The following KIF7 variants were observed in gnomAD, a reference collection of about 807,000 sequenced individuals.
KIF7 encodes the protein kinesin family member 7.
KIF7 carries 104 observed loss-of-function variants against 135.7 expected under a neutral mutation model. The observed-to-expected ratio is 0.77, with a 90% CI of 0.65 to 0.90. The LOEUF (loss-of-function observed/expected upper bound fraction) is 0.90, where lower values mean the gene tolerates loss of function less well. KIF7 is among the 40% of genes least tolerant of loss of function. The pLI is 0.00. For synonymous variants in KIF7, 883 were observed against 809.4 expected (o/e 1.09, Z -1.54); for missense variants, 2,005 against 1,839.1 (o/e 1.09, Z -1.65).
intron 1 of KIF7, among the ~76,000 whole-genome samples, chr15:89,654,735 C>A (rs1396564352): frequency 6.6e-6 from 1 of 152,234 alleles, no homozygotes; most frequent in East Asian, 1.9e-4. Context: ...ATCCAGGGAA[C>A]TTTCCCTGCC....
At chr15:89,641,932 G>C (rs1020781892) in intron 11 of KIF7, among the ~76,000 whole-genome samples, 11 of 152,138 alleles carry the variant, frequency 7.2e-5, no homozygotes, top group African/African-American at 1.7e-4. Flanking sequence ...AGGACTGCAC[G>C]CTGCAGGGTA....
chr15:89,648,525 G>A lies in KIF7; in HGVS notation c.1173C>T (p.Ala391=). ...CCGCGGAGGCGGTGGCTGGGCCTGGGGCGCGCCGGCCGCGGTGGATGATGC... is the reference window on the plus strand; with the variant it reads ...CCGCGGAGGCGGTGGCTGGGCCTGGAGCGCGCCGGCCGCGGTGGATGATGC... The part of the protein sequence containing the change: ...ETRIIHRGRR[A]PGPATASAAA... Residue 391 remains alanine (A), a synonymous_variant, in exon 5 of 19, where the codon GCC becomes GCT. Transcript: ENST00000394412. The A allele has an allele frequency of 5.2e-6, 6 of 1,152,070 alleles. No homozygotes were observed. Among genetic ancestry groups the A allele is most frequent in the Non-Finnish European group, 1.1e-6 (1 of 933,402 alleles). The allele number at this position is 1,152,070 out of a possible 1,614,324, so 71.4% of individuals were successfully genotyped here.
Position 89,648,781 on chromosome 15 carries a change from G to A in KIF7, c.924-7C>T, listed in dbSNP as rs1028237879. ...CAGCGAGTCTTTGAGGATCCTGAGGGCGCGAGGGGGAGGCTCTCAGGGGCC... is the reference window on the plus strand; with the variant it reads ...CAGCGAGTCTTTGAGGATCCTGAGGACGCGAGGGGGAGGCTCTCAGGGGCC... On this transcript the variant is annotated splice_region_variant and splice_polypyrimidine_tract_variant and intron_variant, in intron 4 of 18. Coordinates refer to ENST00000394412, the MANE Select transcript of KIF7 (RefSeq NM_198525.3). 1.3e-6 allele frequency: 2 copies of A among 1,530,008 alleles called. No homozygotes were observed. Among genetic ancestry groups the A allele is most frequent in the Non-Finnish European group, 1.8e-6 (2 of 1,141,650 alleles). The allele number at this position is 1,530,008 out of a possible 1,614,324, so 94.8% of individuals were successfully genotyped here. A position where few individuals can be genotyped will look rare whatever the true frequency, so the allele number is the denominator to read the frequency against.
intron 5 of KIF7, 52 bp from the exon 6 acceptor site, chr15:89,647,764 G>C (rs1964041984): frequency 7.5e-7 from 1 of 1,329,614 alleles, no homozygotes; most frequent in Non-Finnish European, 1.0e-6. Context: ...GGGCGAGCTG[G>C]ACACCCGGCC....
chr15:89,625,172 A>G (rs1163361008), downstream of KIF7: 28 of 1,613,452 alleles, frequency 1.7e-5, no homozygotes, highest in Non-Finnish European at 2.3e-5. Context: ...GAACCCACCT[A>G]TGTGTCACCC....
At chr15:89,633,433 C>G (rs561107632) in intron 12 of KIF7, among the ~76,000 whole-genome samples, 167 bp from the exon 13 acceptor site, 1 of 152,198 alleles carries the variant, frequency 6.6e-6, no homozygotes, top group Non-Finnish European at 1.5e-5. Flanking sequence ...GGCAAATAGA[C>G]GCAAACACTT....
Position 89,635,422 on chromosome 15 carries a change from A to C in KIF7, c.2395-1539T>G, listed in dbSNP as rs201647207. On this transcript the variant is annotated intron_variant, in intron 11 of 18. Coordinates refer to ENST00000394412, the MANE Select transcript of KIF7 (RefSeq NM_198525.3). ...CAAACCAAAGGCAAAGAAGTTAAAAACTTTGAAAAAAGTTTAGAAGAATGT... is the reference window on the plus strand; with the variant it reads ...CAAACCAAAGGCAAAGAAGTTAAAACCTTTGAAAAAAGTTTAGAAGAATGT... Among the ~76,000 whole-genome samples the C allele has an allele frequency of 1.4e-4, 21 of 152,316 alleles. 1 individual carries two copies. The East Asian group carries it at 3.9e-3, about 28-fold the overall frequency.
At chr15:89,624,976 CCA>C (rs1963492259), downstream of KIF7, 1 of 1,614,078 alleles carries the variant, frequency 6.2e-7, no homozygotes, top group Non-Finnish European at 8.5e-7. Flanking sequence ...CTCTGCCAGC[CCA>C]CAGACCTATG....
chr15:89,624,299 T>C, downstream of KIF7: 1 of 1,614,200 alleles, frequency 6.2e-7, no homozygotes, highest in Middle Eastern at 1.6e-4. Context: ...AAATCTAAAA[T>C]AGAGTGTCCT....
rs536384480 is a variant in KIF7, at chr15:89,646,122, C to A, written c.1789-96G>T. 1.5e-3 allele frequency: 2,305 copies of A among 1,497,640 alleles called. 44 individuals are homozygous for A. The South Asian group carries it at 0.024, about 16-fold the overall frequency. 92.8% of individuals were successfully genotyped at this position (1,497,640 alleles called of 1,614,324 possible). A position where few individuals can be genotyped will look rare whatever the true frequency, so the allele number is the denominator to read the frequency against. ...CATATCTCTCCCTCCTCAAGCCCTG[C>A]CTTACCTTCGTGATCCAGCTCAAAT... is the stretch of plus-strand genomic sequence containing the variant. On this transcript the variant is annotated intron_variant, in intron 7 of 18. Coordinates refer to ENST00000394412, the MANE Select transcript of KIF7 (RefSeq NM_198525.3).
At chr15:89,643,099 C>G (rs770890103) in intron 10 of KIF7, among the ~76,000 whole-genome samples, 9 of 152,070 alleles carry the variant, frequency 5.9e-5, no homozygotes, top group Admixed American at 3.9e-4. Flanking sequence ...TTGGGACATT[C>G]AGCAGGATGA....
At chr15:89,622,625 T>C (rs973603577) in intron 1 of KIF7, among the ~76,000 whole-genome samples, 14 of 152,322 alleles carry the variant, frequency 9.2e-5, no homozygotes, top group African/African-American at 3.4e-4. Context: ...ACCATAGATC[T>C]ACACAACCAA....
chr15:89,644,546 G>A (rs989759071), intron 10 of KIF7, among the ~76,000 whole-genome samples: 11 of 151,868 alleles, frequency 7.2e-5, no homozygotes, highest in African/African-American at 2.4e-4. Context: ...TTAGGTGGGT[G>A]TGGTGGCGGG....
At chr15:89,655,932 G>A (rs1964202077), upstream of KIF7, among the ~76,000 whole-genome samples, 2 of 152,216 alleles carry the variant, frequency 1.3e-5, no homozygotes, top group African/African-American at 4.8e-5. Context: ...CAGGAGAGGT[G>A]ATCTGGGGGT....
rs1964084091 is a variant in KIF7, at chr15:89,649,300, G to A, written c.597C>T (p.Gly199=). The change falls in exon 4 of 19, where the codon GGC becomes GGT. Residue 199 remains glycine (G), a synonymous_variant. Coordinates refer to ENST00000394412, the MANE Select transcript of KIF7 (RefSeq NM_198525.3). ...LDEVLSLLEM[G]NAARHTGATH... ...TGGCTCCCGTGTGCCGCGCCGCGTT[G>A]CCCATCTCCAGGAGGCTCAGCACCT... 1 of 1,493,960 alleles carries A rather than the reference G, an allele frequency of 6.7e-7. No homozygotes were observed. The highest frequency in any genetic ancestry group is 1.4e-5 in the African/African-American group (1 of 71,614). The allele number at this position is 1,493,960 out of a possible 1,614,324, so 92.5% of individuals were successfully genotyped here.
chr15:89,648,224 CAA>C lies in KIF7; in HGVS notation c.1443+29_1443+30del, dbSNP rs760618095. ...CCTCTCCACCACTCCCCACTGCCCA[CAA>C]CCACAACCACAACCTGTCCCTCGGC... On this transcript the variant is annotated intron_variant, in intron 5 of 18. Transcript: ENST00000394412. 69 of 1,479,130 alleles carry C rather than the reference CAA, an allele frequency of 4.7e-5. 1 individual carries two copies. In the Middle Eastern group the frequency reaches 7.2e-4, roughly 15 times the overall value. The allele number at this position is 1,479,130 out of a possible 1,614,324, so 91.6% of individuals were successfully genotyped here.
At chr15:89,618,377 T>C (rs1247112118) in intron 1 of KIF7, among the ~76,000 whole-genome samples, 1 of 152,224 alleles carries the variant, frequency 6.6e-6, no homozygotes, top group African/African-American at 2.4e-5. Flanking sequence ...TTCTTCTGCA[T>C]AGAAGGTACT....
chr15:89,645,006 G>A lies in KIF7; in HGVS notation c.2191+7C>T, dbSNP rs371970440. On this transcript the variant is annotated splice_region_variant and intron_variant, in intron 10 of 18. Transcript: ENST00000394412. ...GGTGAGAGGCCCACCTGATGCCCAC[G>A]CCTCACCTGTGCGGACCAGCTCGCC... 65 of 1,607,654 alleles carry A rather than the reference G, an allele frequency of 4.0e-5. No individual in the cohort carries two copies. Among genetic ancestry groups the A allele is most frequent in the African/African-American group, 3.3e-4 (25 of 75,054 alleles).
At chr15:89,626,077 G>A, downstream of KIF7, 1 of 1,611,400 alleles carries the variant, frequency 6.2e-7, no homozygotes, top group East Asian at 2.2e-5. Context: ...GTTTGTTGAA[G>A]GTCTAGGACC....
Sources: gnomAD v4.1 joint callset for allele counts (sites outside exome capture counted in the v4.1 genomes callset) on GRCh38, gnomAD v4.1.1 for gene constraint, MANE v1.5 for transcripts, NCBI Gene and HGNC (gene_info 2026-07-23, HGNC 2026-07-21) for gene names.